Variants in PDK2 observed in about 807,000 individuals in gnomAD.
PDK2 encodes pyruvate dehydrogenase kinase, isozyme 2.
PDK2 carries 34 observed loss-of-function variants against 50.4 expected under a neutral mutation model. The observed-to-expected ratio is 0.68, with a 90% CI of 0.51 to 0.90. The LOEUF is 0.90. Ranked by LOEUF, PDK2 falls within the 40% of genes least tolerant of loss-of-function variation. PDK2 has a pLI of 0.00. For synonymous variants in PDK2, 232 were observed against 216.0 expected, an observed-to-expected ratio of 1.07 and a Z score of -0.65; for missense variants, 377 against 544.5, an observed-to-expected ratio of 0.69 and a Z score of 3.06.
chr17:50,096,035 A>G (rs1909921481), intron 1 of PDK2: 1 of 796,938 alleles, frequency 1.3e-6, no homozygotes, highest in Admixed American at 6.2e-5. Context: ...ACCCCTGGGC[A>G]GAGGGTGAGA....
At chr17:50,095,230 G>T (rs541879749), upstream of PDK2, 13 of 507,484 alleles carry the variant, frequency 2.6e-5, no homozygotes, top group Non-Finnish European at 4.2e-5. Flanking sequence ...GCCACGTGCC[G>T]GGGCGGAAGG....
chr17:50,106,927 G>C, intron 5 of PDK2, 44 bp downstream of exon 5: 1 of 1,559,670 alleles, frequency 6.4e-7, no homozygotes. Context: ...AAGCCCCGGG[G>C]ACCCCTCCAA....
intron 2 of PDK2, 26 bp from the exon 3 acceptor site, chr17:50,105,344 GC>G: frequency 1.3e-6 from 2 of 1,562,084 alleles, no homozygotes; most frequent in Non-Finnish European, 1.7e-6. Context: ...TGAAGCTGAG[GC>G]TGTGTCCCCT....
At chr17:50,107,683 G>A (rs1042193575) in intron 6 of PDK2, among the ~76,000 whole-genome samples, 15 of 152,136 alleles carry the variant, frequency 9.9e-5, no homozygotes, top group Admixed American at 2.0e-4. Flanking sequence ...GGGAGATTGC[G>A]GAATGGAGCC....
In PDK2 at chr17:50,095,516, C is replaced by T; in HGVS notation, c.81C>T (p.Ser27=). ...PKYIEHFSKF[S]PSPLSMKQFL... ...ACATAGAGCACTTCAGCAAGTTCTC[C>T]CCGTCCCCGCTGTCCATGAAGCAGT... Residue 27 remains serine, a synonymous_variant, in exon 1 of 11, where the codon TCC becomes TCT. Transcript: ENST00000503176. 6.2e-7 allele frequency: 1 copy of T among 1,606,922 alleles called. No homozygotes were observed. Among genetic ancestry groups the T allele is most frequent in the Non-Finnish European group, 8.5e-7 (1 of 1,176,858 alleles).
rs972992027 is a variant in PDK2 at position 50,109,920 on chromosome 17, C to T, written c.1084-37C>T. The stretch of plus-strand genomic sequence containing the variant: ...GGTCTGCTGAGGAGTGGACAAGGCA[C>T]AGGGAGGTGGGAGGGGCTGACCCTG... On this transcript the variant is annotated intron_variant, in intron 10 of 10. Coordinates refer to ENST00000503176, the MANE Select transcript of PDK2 (RefSeq NM_002611.5). This position sits in a 1 kb window ranked among gnomAD's most constrained non-coding sequence, Gnocchi z 5.0. 3 of 1,492,770 alleles carry T rather than the reference C, an allele frequency of 2.0e-6. No individual in the cohort carries two copies. Among genetic ancestry groups the T allele is most frequent in the Non-Finnish European group, 1.8e-6 (2 of 1,110,574 alleles). 92.5% of individuals were successfully genotyped at this position (1,492,770 alleles called of 1,614,324 possible).
rs1910775875 is a variant in PDK2 at position 50,110,569 on chromosome 17, G to A, written c.*472G>A. 6.5e-6 allele frequency: 1 copy of A among 152,854 alleles called. No individual in the cohort carries two copies. Among genetic ancestry groups the A allele is most frequent in the African/African-American group, 2.4e-5 (1 of 41,464 alleles). 9.5% of individuals were successfully genotyped at this position (152,854 alleles called of 1,614,324 possible). On this transcript the variant is annotated 3_prime_UTR_variant, in exon 11 of 11. Transcript: ENST00000503176. ...TGGGTGCCCTCCAGACCTGGGGACT[G>A]AGTGGGGAAAGGAGTTACACCCGTG...
intron 2 of PDK2, among the ~76,000 whole-genome samples, chr17:50,103,723 A>T (rs1266522504): frequency 6.6e-6 from 1 of 152,186 alleles, no homozygotes; most frequent in Non-Finnish European, 1.5e-5. Flanking sequence ...ACTAGGTTTA[A>T]GGGGAAGGGC....
chr17:50,096,092 T>C (rs564750855), intron 1 of PDK2: 21 of 985,540 alleles, frequency 2.1e-5, no homozygotes, highest in East Asian at 2.3e-4. Flanking sequence ...GAAGATGCCA[T>C]TGGGAGACAG....
At chr17:50,107,582 A>G (rs939379873) in intron 6 of PDK2, among the ~76,000 whole-genome samples, 4 of 152,214 alleles carry the variant, frequency 2.6e-5, no homozygotes, top group Non-Finnish European at 5.9e-5. Context: ...CTTCATCTCA[A>G]ACAAATAAGA....
upstream of PDK2, among the ~76,000 whole-genome samples, chr17:50,095,056 G>T (rs1040039453): frequency 6.6e-6 from 1 of 152,272 alleles, no homozygotes; most frequent in Non-Finnish European, 1.5e-5. Flanking sequence ...GGAAGAGGAA[G>T]CGAAAGGGCT....
intron 1 of PDK2, 48 bp from the exon 2 acceptor site, chr17:50,097,375 G>T: frequency 6.2e-7 from 1 of 1,602,400 alleles, no homozygotes; most frequent in African/African-American, 1.3e-5. Flanking sequence ...ACATCCTTTG[G>T]CTTTCATAGT....
chr17:50,104,554 T>C (rs1436006198), intron 2 of PDK2, among the ~76,000 whole-genome samples: 1 of 152,130 alleles, frequency 6.6e-6, no homozygotes, highest in Non-Finnish European at 1.5e-5. Context: ...CCTGGCTAAG[T>C]TCAGGGATTC....
At position 50,109,763 on chromosome 17, in the gene PDK2, C is replaced by T. The variant is rs1045415924; in HGVS notation, c.1084-194C>T. On this transcript the variant is annotated intron_variant, in intron 10 of 10. Transcript: ENST00000503176. This position sits in a 1 kb window ranked among gnomAD's most constrained non-coding sequence, Gnocchi z 5.0. Reference sequence around the variant, plus strand: ...GGTCACACAGCCCAGCCTCCTCCCCCTCCCTCTCCCTCCCTTAGAGGGAGC... The same window carrying T: ...GGTCACACAGCCCAGCCTCCTCCCCTTCCCTCTCCCTCCCTTAGAGGGAGC... 2.0e-5 allele frequency among the ~76,000 whole-genome samples: 3 copies of T among 152,230 alleles called. No homozygotes were observed. The highest frequency in any genetic ancestry group is 4.4e-5 in the Non-Finnish European group (3 of 68,032).
At position 50,096,290 on chromosome 17, in the gene PDK2, A is replaced by T. The variant is rs1909939010; in HGVS notation, c.118+737A>T. 9 of 985,324 alleles carry T rather than the reference A, an allele frequency of 9.1e-6. No homozygotes were observed. The Admixed American group carries it at 5.5e-4, about 61-fold the overall frequency. 61.0% of individuals were successfully genotyped at this position (985,324 alleles called of 1,614,324 possible). On this transcript the variant is annotated intron_variant, in intron 1 of 10. Transcript: ENST00000503176. ...TTGGCTGCCCCAGGGCTGCTAGGTC[A>T]GGATCGCCCACTACCAGCAACCTGG...
rs758313533 is a variant in PDK2 at position 50,110,088 on chromosome 17, C to T, written c.1215C>T (p.Arg405=). 5.0e-6 allele frequency: 8 copies of T among 1,605,792 alleles called. No individual in the cohort carries two copies. The highest frequency in any genetic ancestry group is 2.2e-5 in the East Asian group (1 of 44,618). The change falls in exon 11 of 11, where the codon CGC becomes CGT. Residue 405 remains arginine, a synonymous_variant. Transcript: ENST00000503176. ...AGCCCAAGAACACGTCCACGTACCG[C>T]GTCAGCTAAGGGCCGCCGTGCATCT... ...STEPKNTSTY[R]VS
chr17:50,108,012 G>A lies in PDK2; in HGVS notation c.686-144G>A, dbSNP rs190564336. 27 of 680,140 alleles carry A rather than the reference G, an allele frequency of 4.0e-5. 1 individual carries two copies. In the Middle Eastern group the frequency reaches 9.5e-4, roughly 24 times the overall value. The allele number at this position is 680,140 out of a possible 1,614,324, so 42.1% of individuals were successfully genotyped here. A position where few individuals can be genotyped will look rare whatever the true frequency, so the allele number is the denominator to read the frequency against. ...CTTCCATGAGTCACCAGCTACCCCA[G>A]CTCAAGGGAGGCTGGGGATTTAGTC... On this transcript the variant is annotated intron_variant, in intron 6 of 10. Transcript: ENST00000503176.
Position 50,095,565 on chromosome 17 carries a change from G to GC in PDK2, c.118+13dup. 6.3e-7 allele frequency: 1 copy of GC among 1,587,890 alleles called. No individual in the cohort carries two copies. Among genetic ancestry groups the GC allele is most frequent in the Non-Finnish European group, 8.6e-7 (1 of 1,164,002 alleles). ...GTTTCTGGACTTCGGTACGGAGTGG[G>GC]CGGGAGGCGGCTGGCAGCGGAGGCC... On this transcript the variant is annotated intron_variant, in intron 1 of 10. Transcript: ENST00000503176.
At chr17:50,108,037 C>A in intron 6 of PDK2, 119 bp from the exon 7 acceptor site, 1 of 758,832 alleles carries the variant, frequency 1.3e-6, no homozygotes, top group South Asian at 1.6e-5. Flanking sequence ...GGGATTTAGT[C>A]TCTCGCTGGG....
Sources: allele counts gnomAD v4.1 joint callset (sites outside exome capture counted in the v4.1 genomes callset), GRCh38; gene constraint gnomAD v4.1.1; non-coding constraint Gnocchi (gnomAD v3.1); transcripts MANE v1.5; gene names NCBI Gene and HGNC (gene_info 2026-07-23, HGNC 2026-07-21).